ACYP1: variants seen among roughly 807,000 people sequenced by gnomAD.
The protein encoded by ACYP1 is acylphosphatase 1.
ACYP1 carries 8 observed loss-of-function variants against 10.4 expected under a neutral mutation model. That is an observed-to-expected ratio of 0.77 (90% CI 0.45 to 1.38). The LOEUF (loss-of-function observed/expected upper bound fraction) is 1.38. Among genes scored for constraint, ACYP1 ranks in the 40% most tolerant of loss-of-function variants. The pLI, the probability that ACYP1 is intolerant of heterozygous loss-of-function variation, is 0.00. For synonymous variants in ACYP1, 38 were observed against 40.8 expected, an observed-to-expected ratio of 0.93 and a Z score of 0.26; for missense variants, 93 against 117.3, an observed-to-expected ratio of 0.79 and a Z score of 0.96.
At chr14:75,063,169 A>G (rs1400607658) in intron 2 of ACYP1, 3 of 363,180 alleles carry the variant, frequency 8.3e-6, no homozygotes, top group East Asian at 1.1e-4. Flanking sequence ...ACTTGGTTTG[A>G]TGATGCCACA....
chr14:75,068,712 T>TAA (rs759409132), upstream of ACYP1, among the ~76,000 whole-genome samples: 2 of 138,352 alleles, frequency 1.4e-5, no homozygotes, highest in Admixed American at 7.2e-5. Context: ...AACGAGGAAT[T>TAA]AAAAAAAAAA....
chr14:75,065,958 A>G (rs1269121835), upstream of ACYP1, among the ~76,000 whole-genome samples: 3 of 152,220 alleles, frequency 2.0e-5, no homozygotes, highest in Non-Finnish European at 4.4e-5. Flanking sequence ...GAGATGAAGA[A>G]GTACAAGTAG....
chr14:75,059,083 A>T (rs1005725132), intron 2 of ACYP1, among the ~76,000 whole-genome samples: 3 of 149,744 alleles, frequency 2.0e-5, no homozygotes, highest in African/African-American at 7.4e-5. Context: ...CTGTAATCTC[A>T]GCTACTCAGG....
At chr14:75,065,356 C>T (rs149233852), upstream of ACYP1, among the ~76,000 whole-genome samples, 15 of 152,294 alleles carry the variant, frequency 9.8e-5, no homozygotes, top group African/African-American at 2.9e-4. Flanking sequence ...GCTAGTTCCC[C>T]GCTAGAGTGA....
At chr14:75,059,397 A>C (rs1005776173) in intron 2 of ACYP1, among the ~76,000 whole-genome samples, 3 of 152,124 alleles carry the variant, frequency 2.0e-5, no homozygotes, top group Non-Finnish European at 4.4e-5. Flanking sequence ...TGGATTAGGA[A>C]GATTTCTTAG....
chr14:75,063,423 T>A (rs1350391392), intron 2 of ACYP1, 47 bp downstream of exon 2: 5 of 1,515,434 alleles, frequency 3.3e-6, no homozygotes, highest in Non-Finnish European at 4.6e-6. Flanking sequence ...CCCTTGTTCC[T>A]ATGCCCACAA....
intron 2 of ACYP1, among the ~76,000 whole-genome samples, chr14:75,062,113 A>AAAAG (rs1893034473): frequency 6.7e-6 from 1 of 149,606 alleles, no homozygotes; most frequent in Non-Finnish European, 1.5e-5. Flanking sequence ...AAAAAAAAAA[A>AAAAG]AAAAAAAAAA....
intron 2 of ACYP1, among the ~76,000 whole-genome samples, chr14:75,062,158 TG>T (rs1396697822): frequency 3.6e-5 from 5 of 138,716 alleles, no homozygotes; most frequent in African/African-American, 1.1e-4. Flanking sequence ...TGGCTGGGTA[TG>T]GTCACTCATG....
At chr14:75,055,878 T>C (rs2139646664) in intron 2 of ACYP1, among the ~76,000 whole-genome samples, 1 of 151,544 alleles carries the variant, frequency 6.6e-6, no homozygotes, top group African/African-American at 2.4e-5. Context: ...TTAGCTAGAC[T>C]GATAAAGAAA....
chr14:75,054,239 C>T (rs1466888728), intron 2 of ACYP1, among the ~76,000 whole-genome samples: 3 of 145,994 alleles, frequency 2.1e-5, no homozygotes, highest in African/African-American at 8.0e-5. Flanking sequence ...ATGTTGTAGC[C>T]AAAGCCCACT....
intron 2 of ACYP1, chr14:75,060,053 T>G (rs1892979612): frequency 9.0e-6 from 4 of 445,080 alleles, no homozygotes; most frequent in Non-Finnish European, 1.6e-5. Flanking sequence ...TGAATGTGCT[T>G]AAGACCACTG....
intron 2 of ACYP1, among the ~76,000 whole-genome samples, chr14:75,059,587 T>C (rs911093865): frequency 6.6e-6 from 1 of 152,196 alleles, no homozygotes; most frequent in Non-Finnish European, 1.5e-5. Context: ...ATAAAAATAT[T>C]CTTACAACTC....
At chr14:75,062,212 T>C (rs1434077472) in intron 2 of ACYP1, among the ~76,000 whole-genome samples, 1 of 142,694 alleles carries the variant, frequency 7.0e-6, no homozygotes, top group Non-Finnish European at 1.5e-5. Flanking sequence ...GGCAGAAGGA[T>C]CACTTGAGCC....
At position 75,053,379 on chromosome 14, in the gene ACYP1, T is replaced by TAATAGAG; in HGVS notation, c.*64_*65insCTCTATT. 1 of 1,391,864 alleles carries TAATAGAG rather than the reference T, an allele frequency of 7.2e-7. No individual in the cohort carries two copies. 86.2% of individuals were successfully genotyped at this position (1,391,864 alleles called of 1,614,324 possible). A position where few individuals can be genotyped will look rare whatever the true frequency, so the allele number is the denominator to read the frequency against. The stretch of plus-strand genomic sequence containing the variant: ...AATGCTAATATTAACACACAATAGT[T>TAATAGAG]CTATCTCTATTAATAATAAAAACCA... On this transcript the variant is annotated 3_prime_UTR_variant, in exon 3 of 3. Transcript: ENST00000238618.
chr14:75,063,986 A>C lies in ACYP1; in HGVS notation c.-41T>G. On this transcript the variant is annotated 5_prime_UTR_variant, in exon 1 of 3. Transcript: ENST00000238618. ...GTCTTCCCCACCGGCTGCCAGGATCACTCCGGGACCACCACGCCAACGGCT... is the reference window on the plus strand; with the variant it reads ...GTCTTCCCCACCGGCTGCCAGGATCCCTCCGGGACCACCACGCCAACGGCT... 1 of 994,238 alleles carries C rather than the reference A, an allele frequency of 1.0e-6. No individual in the cohort carries two copies. Among genetic ancestry groups the C allele is most frequent in the Non-Finnish European group, 1.2e-6 (1 of 834,792 alleles). The allele number at this position is 994,238 out of a possible 1,614,324, so 61.6% of individuals were successfully genotyped here. A position where few individuals can be genotyped will look rare whatever the true frequency, so the allele number is the denominator to read the frequency against.
upstream of ACYP1, among the ~76,000 whole-genome samples, chr14:75,066,961 G>A (rs1051018267): frequency 1.3e-5 from 2 of 152,210 alleles, no homozygotes; most frequent in African/African-American, 4.8e-5. Context: ...GCACACTGGA[G>A]AGGCAGATTT....
chr14:75,053,702 A>T (rs553382489), intron 2 of ACYP1, 43 bp from the exon 3 acceptor site: 2 of 1,572,230 alleles, frequency 1.3e-6, no homozygotes, highest in Admixed American at 3.4e-5. Context: ...GAGATTGAAG[A>T]AAACAAGGTA....
At chr14:75,061,854 C>G (rs1893024013) in intron 2 of ACYP1, 4 of 939,180 alleles carry the variant, frequency 4.3e-6, no homozygotes, top group Non-Finnish European at 6.1e-6. Context: ...GTAATCCCAA[C>G]ACTTTGGGAG....
chr14:75,065,385 A>G (rs1345949286), upstream of ACYP1, among the ~76,000 whole-genome samples: 6 of 152,222 alleles, frequency 3.9e-5, no homozygotes, highest in East Asian at 1.2e-3. Context: ...ATCCTAGAGA[A>G]TCATACAACC....
Sources: allele counts gnomAD v4.1 joint callset (sites outside exome capture counted in the v4.1 genomes callset), GRCh38; gene constraint gnomAD v4.1.1; transcripts MANE v1.5; gene names NCBI Gene and HGNC (gene_info 2026-07-23, HGNC 2026-07-21).